Variants in DAPK1 observed in about 807,000 individuals in gnomAD.
The protein encoded by DAPK1 is death-associated protein kinase 1.
Under a neutral mutation model 144.9 loss-of-function variants are expected in DAPK1, and 56 were observed. That is an observed-to-expected ratio of 0.39 (90% CI 0.31 to 0.48). The LOEUF (loss-of-function observed/expected upper bound fraction) is 0.48. Among genes scored for constraint, DAPK1 ranks in the 20% least tolerant of loss-of-function variants. The probability of loss-of-function intolerance (pLI) is 0.95; values close to 1 mark genes in which losing one functional copy is unlikely to be tolerated. For synonymous variants in DAPK1, 690 were observed against 749.0 expected (o/e 0.92, Z 1.29); for missense variants, 1,454 against 1,875.4 (o/e 0.78, Z 4.15).
chr9:87,640,218 C>T, intron 7 of DAPK1, 80 bp from the exon 8 acceptor site: 1 of 1,327,598 alleles, frequency 7.5e-7, no homozygotes, highest in South Asian at 1.4e-5. Context: ...TCTTATTCCA[C>T]ACTCCAGATG....
intron 2 of DAPK1, among the ~76,000 whole-genome samples, chr9:87,515,471 C>T (rs1412147332): frequency 2.0e-5 from 3 of 151,998 alleles, no homozygotes; most frequent in Non-Finnish European, 4.4e-5. Context: ...CTCTGAAGCC[C>T]ATGAAAACAC....
chr9:87,614,881 C>T (rs1454257618), intron 3 of DAPK1, among the ~76,000 whole-genome samples: 1 of 152,142 alleles, frequency 6.6e-6, no homozygotes, highest in Non-Finnish European at 1.5e-5. Flanking sequence ...ATTTGGCTTT[C>T]CCCCACTCTG....
At chr9:87,650,189 C>A in intron 16 of DAPK1, 71 bp downstream of exon 16, 5 of 1,492,712 alleles carry the variant, frequency 3.3e-6, no homozygotes, top group Non-Finnish European at 4.6e-6. Context: ...CAAGACTCCT[C>A]AGTTTGTTTC....
rs71354773 is a variant in DAPK1, at chr9:87,643,366, T to TTTTA, written c.919-10_919-9insTTTA. ...CCCTCCCTTTTTTTTTTTTTTTTTT[T>TTTTA]AAAAAAAAGCAATCCGTTCGCTTGA... On this transcript the variant is annotated splice_polypyrimidine_tract_variant and intron_variant, in intron 10 of 25. Coordinates refer to ENST00000408954, the MANE Select transcript of DAPK1 (RefSeq NM_004938.4). The TTTTA allele has an allele frequency of 3.2e-5, 43 of 1,349,700 alleles. No homozygotes were observed. The African/African-American group carries it at 5.3e-4, about 17-fold the overall frequency. 83.6% of individuals were successfully genotyped at this position (1,349,700 alleles called of 1,614,324 possible).
At chr9:87,501,139 G>T (rs1217462248) in intron 2 of DAPK1, among the ~76,000 whole-genome samples, 2 of 152,168 alleles carry the variant, frequency 1.3e-5, no homozygotes, top group African/African-American at 2.4e-5. Context: ...GAGTTTGGTG[G>T]CAGGAAAATG....
At chr9:87,633,419 T>G in intron 3 of DAPK1, 2 of 982,384 alleles carry the variant, frequency 2.0e-6, no homozygotes, top group Non-Finnish European at 2.4e-6. Flanking sequence ...CCTGACCTAG[T>G]GGGATAGGGA....
intron 3 of DAPK1, chr9:87,633,090 T>C: frequency 1.0e-6 from 1 of 978,988 alleles, no homozygotes; most frequent in Non-Finnish European, 1.2e-6. Flanking sequence ...TATGTAGGAA[T>C]GAAGGAGGAT....
intron 2 of DAPK1, among the ~76,000 whole-genome samples, chr9:87,504,163 A>T (rs1307229259): frequency 1.3e-5 from 2 of 152,190 alleles, no homozygotes; most frequent in Admixed American, 1.3e-4. Context: ...GCTGAATGTG[A>T]CATTTTTCCT....
At chr9:87,672,846 T>C (rs1824224992) in intron 19 of DAPK1, among the ~76,000 whole-genome samples, 1 of 151,978 alleles carries the variant, frequency 6.6e-6, no homozygotes, top group Non-Finnish European at 1.5e-5. Flanking sequence ...TCGCTGAGGA[T>C]TGTGGGGAGC....
At chr9:87,571,545 G>A (rs560239254) in intron 2 of DAPK1, among the ~76,000 whole-genome samples, 111 of 116,104 alleles carry the variant, frequency 9.6e-4, no homozygotes, top group South Asian at 5.0e-3. Context: ...CGAAGCAGGC[G>A]GAGAGGGAAA....
At chr9:87,643,707 A>G (rs1186305046) in intron 11 of DAPK1, among the ~76,000 whole-genome samples, 1 of 151,096 alleles carries the variant, frequency 6.6e-6, no homozygotes, top group Non-Finnish European at 1.5e-5. Context: ...CTCTAACACT[A>G]CCCTCCACCT....
intron 18 of DAPK1, among the ~76,000 whole-genome samples, chr9:87,661,326 C>G (rs193179345): frequency 5.3e-5 from 8 of 152,202 alleles, no homozygotes; most frequent in Admixed American, 2.0e-4. Flanking sequence ...AGGTAGATAC[C>G]CAGTAGTAGG....
chr9:87,554,604 A>C (rs1196376864), intron 2 of DAPK1: 2 of 152,178 alleles, frequency 1.3e-5, no homozygotes, highest in African/African-American at 4.8e-5. Flanking sequence ...CCCTCTCCAC[A>C]GTAGGACTTA....
intron 3 of DAPK1, among the ~76,000 whole-genome samples, chr9:87,607,591 T>TA (rs1442220919): frequency 6.6e-6 from 1 of 152,242 alleles, no homozygotes; most frequent in East Asian, 1.9e-4. Context: ...TATTTTTTTT[T>TA]ACCATTTGAT....
intron 2 of DAPK1, among the ~76,000 whole-genome samples, chr9:87,592,553 G>T (rs143190791): frequency 5.5e-4 from 84 of 152,320 alleles, no homozygotes; most frequent in African/African-American, 1.9e-3. Flanking sequence ...TTTGACCTGA[G>T]ACTTAATTAG....
At chr9:87,512,756 G>A (rs1824897752) in intron 2 of DAPK1, among the ~76,000 whole-genome samples, 1 of 152,126 alleles carries the variant, frequency 6.6e-6, no homozygotes, top group South Asian at 2.1e-4. Context: ...AGATTCTCCT[G>A]CCTCAGAGTA....
intron 17 of DAPK1, among the ~76,000 whole-genome samples, chr9:87,655,178 T>A (rs1830589614): frequency 6.6e-6 from 1 of 152,112 alleles, no homozygotes; most frequent in South Asian, 2.1e-4. Flanking sequence ...AGCAGCAAAA[T>A]TCAGACCCGT....
intron 2 of DAPK1, among the ~76,000 whole-genome samples, chr9:87,550,231 C>G (rs1285009950): frequency 6.6e-6 from 1 of 152,188 alleles, no homozygotes; most frequent in Non-Finnish European, 1.5e-5. Flanking sequence ...ATTTTTTCAC[C>G]ATAGGTTCGT....
intron 24 of DAPK1, chr9:87,701,766 T>C (rs1009990331): frequency 6.1e-5 from 24 of 390,914 alleles, no homozygotes; most frequent in Non-Finnish European, 9.8e-5. Context: ...GAAAATGCTG[T>C]GCTTCCCGCA....
Sources: gnomAD v4.1 joint callset for allele counts (sites outside exome capture counted in the v4.1 genomes callset) on GRCh38, gnomAD v4.1.1 for gene constraint, MANE v1.5 for transcripts, NCBI Gene and HGNC (gene_info 2026-07-23, HGNC 2026-07-21) for gene names.